EVI5: variants seen among roughly 807,000 people sequenced by gnomAD.
EVI5 encodes ecotropic viral integration site 5 protein homolog.
A neutral mutation model predicts 112.0 loss-of-function variants in EVI5; 73 were observed. The observed-to-expected ratio is 0.65, with a 90% CI of 0.54 to 0.79. EVI5 has a LOEUF of 0.79. Among genes scored for constraint, EVI5 ranks in the 30% least tolerant of loss-of-function variants. EVI5 has a pLI of 0.00. For synonymous variants in EVI5, 305 were observed against 319.9 expected, an observed-to-expected ratio of 0.95 and a Z score of 0.50; for missense variants, 900 against 968.8, an observed-to-expected ratio of 0.93 and a Z score of 0.94.
upstream of EVI5, among the ~76,000 whole-genome samples, chr1:92,790,104 G>A (rs572273909): frequency 6.6e-6 from 1 of 152,276 alleles, no homozygotes; most frequent in South Asian, 2.1e-4. Flanking sequence ...TTGAGGCCAA[G>A]AGTTTGAGGC....
chr1:92,755,940 C>G (rs1680894812), intron 1 of EVI5: 1 of 174,376 alleles, frequency 5.7e-6, no homozygotes, highest in African/African-American at 2.4e-5. Context: ...CAGTATTTTG[C>G]TGACTTGACT....
intron 1 of EVI5, among the ~76,000 whole-genome samples, chr1:92,739,795 TA>T: frequency 6.6e-6 from 1 of 151,972 alleles, no homozygotes; most frequent in Non-Finnish European, 1.5e-5. Context: ...AGGACATGGC[TA>T]TGGTTAATTA....
chr1:92,767,715 TC>T lies in EVI5; in HGVS notation c.-82+17120del, dbSNP rs1682846476. ...TATTTAAGCTCTTTGAATCTTGGTTTCCTTGAATTAAGCAATAATTCTAATG... is the reference window on the plus strand; with the variant it reads ...TATTTAAGCTCTTTGAATCTTGGTTTCTTGAATTAAGCAATAATTCTAATG... On this transcript the variant is annotated intron_variant, in intron 1 of 19. Transcript: ENST00000684568. Among the ~76,000 whole-genome samples, 5 of 152,372 alleles carry T rather than the reference TC, an allele frequency of 3.3e-5. No individual in the cohort carries two copies. In the South Asian group the frequency reaches 1.0e-3, roughly 32 times the overall value.
upstream of EVI5, among the ~76,000 whole-genome samples, chr1:92,785,842 G>A (rs1408620082): frequency 6.6e-6 from 1 of 152,180 alleles, no homozygotes; most frequent in Admixed American, 6.5e-5. Flanking sequence ...CACTTTGGGA[G>A]GCCGAGGCGG....
At chr1:92,611,911 C>A (rs1202412175) in intron 16 of EVI5, among the ~76,000 whole-genome samples, 1 of 150,838 alleles carries the variant, frequency 6.6e-6, no homozygotes, top group Non-Finnish European at 1.5e-5. Flanking sequence ...AACAGTGAGA[C>A]CCTATTTAAA....
At chr1:92,737,086 C>T (rs1384926269) in intron 1 of EVI5, among the ~76,000 whole-genome samples, 1 of 152,050 alleles carries the variant, frequency 6.6e-6, no homozygotes, top group Non-Finnish European at 1.5e-5. Flanking sequence ...TCAGGGAAAT[C>T]CTGTAACATG....
chr1:92,682,270 T>C (rs1303263486), intron 9 of EVI5, among the ~76,000 whole-genome samples: 1 of 152,168 alleles, frequency 6.6e-6, no homozygotes, highest in Non-Finnish European at 1.5e-5. Context: ...CTTACCGGCC[T>C]GTGAGCCCTA....
At chr1:92,729,332 A>G (rs1676090082) in intron 2 of EVI5, among the ~76,000 whole-genome samples, 1 of 152,240 alleles carries the variant, frequency 6.6e-6, no homozygotes, top group African/African-American at 2.4e-5. Context: ...AACTATCCAC[A>G]GTTTCAGGTA....
At chr1:92,572,499 C>T (rs1202421379) in intron 18 of EVI5, among the ~76,000 whole-genome samples, 1 of 152,114 alleles carries the variant, frequency 6.6e-6, no homozygotes, top group Non-Finnish European at 1.5e-5. Context: ...GTCTACACTG[C>T]ACTTCATTTA....
At chr1:92,783,951 TTTTC>T (rs1685259096) in intron 1 of EVI5, among the ~76,000 whole-genome samples, 1 of 152,180 alleles carries the variant, frequency 6.6e-6, no homozygotes, top group Admixed American at 6.5e-5. Flanking sequence ...AGCAGATCAC[TTTTC>T]TTTAACTTCA....
chr1:92,697,640 G>T (rs993162133), intron 6 of EVI5, among the ~76,000 whole-genome samples: 1 of 152,096 alleles, frequency 6.6e-6, no homozygotes, highest in Non-Finnish European at 1.5e-5. Flanking sequence ...AAATGCTTAA[G>T]GATTGAATAT....
At chr1:92,551,397 G>T (rs1666915731) in intron 19 of EVI5, among the ~76,000 whole-genome samples, 2 of 152,002 alleles carry the variant, frequency 1.3e-5, no homozygotes, top group Admixed American at 1.3e-4. Context: ...ACATGATAAT[G>T]GAAGAAAAGA....
intron 13 of EVI5, among the ~76,000 whole-genome samples, chr1:92,652,447 A>G (rs1290663862): frequency 6.6e-6 from 1 of 152,210 alleles, no homozygotes; most frequent in African/African-American, 2.4e-5. Context: ...TTATAAATGT[A>G]CTTAATGACA....
At chr1:92,639,237 T>C (rs1453234563) in intron 13 of EVI5, among the ~76,000 whole-genome samples, 2 of 152,174 alleles carry the variant, frequency 1.3e-5, no homozygotes, top group Non-Finnish European at 2.9e-5. Flanking sequence ...TATGTGCTTT[T>C]CTGGTGTTGC....
In EVI5 at chr1:92,517,885, C is replaced by CTTTTTTT. The variant is rs35504849; in HGVS notation, c.2167-3922_2167-3916dup. ...AAAATTACACATACAATATTATATG[C>CTTTTTTT]TTTTTTTTTTTTTTTTTTTTTTGGT... On this transcript the variant is annotated intron_variant, in intron 19 of 19. Coordinates refer to ENST00000684568, the MANE Select transcript of EVI5 (RefSeq NM_001350197.2). 1.7e-4 allele frequency among the ~76,000 whole-genome samples: 17 copies of CTTTTTTT among 102,230 alleles called. 1 individual carries two copies. The highest frequency in any genetic ancestry group is 3.3e-4 in the Admixed American group (3 of 9,190). The allele number at this position is 102,230 out of a possible 152,430, so 67.1% of individuals were successfully genotyped here.
intron 18 of EVI5, among the ~76,000 whole-genome samples, chr1:92,571,586 G>A (rs1036226398): frequency 6.6e-6 from 1 of 151,738 alleles, no homozygotes. Context: ...GTTAAAACAG[G>A]GTAACTATAT....
intron 18 of EVI5, among the ~76,000 whole-genome samples, chr1:92,567,161 TATAGA>T (rs1005087098): frequency 9.2e-5 from 14 of 151,986 alleles, no homozygotes; most frequent in African/African-American, 3.4e-4. Context: ...AAAAACAGCT[TATAGA>T]ATAAAGACAC....
rs1571957034 is a variant in EVI5 at position 92,625,685 on chromosome 1, C to T, written c.1668+109G>A. On this transcript the variant is annotated intron_variant, in intron 15 of 19. Transcript: ENST00000684568. ...AATTTTGACATTAAACAGGGTCTCTCTCACTTTAAACTCATCTACTATAGG... is the reference window on the plus strand; with the variant it reads ...AATTTTGACATTAAACAGGGTCTCTTTCACTTTAAACTCATCTACTATAGG... 1.3e-5 allele frequency: 11 copies of T among 838,302 alleles called. No homozygotes were observed. The East Asian group carries it at 2.7e-4, about 21-fold the overall frequency. The allele number at this position is 838,302 out of a possible 1,614,324, so 51.9% of individuals were successfully genotyped here. A position where few individuals can be genotyped will look rare whatever the true frequency, so the allele number is the denominator to read the frequency against.
At chr1:92,648,331 C>G (rs1661400249) in intron 13 of EVI5, among the ~76,000 whole-genome samples, 1 of 150,234 alleles carries the variant, frequency 6.7e-6, no homozygotes, top group Non-Finnish European at 1.5e-5. Flanking sequence ...AGAGATCACA[C>G]CACCGCACTC....
Sources: allele counts gnomAD v4.1 joint callset (sites outside exome capture counted in the v4.1 genomes callset), GRCh38; gene constraint gnomAD v4.1.1; transcripts MANE v1.5; gene names NCBI Gene and HGNC (gene_info 2026-07-23, HGNC 2026-07-21).